Variants in ESYT1 observed in about 807,000 individuals in gnomAD.
The protein encoded by ESYT1 is extended synaptotagmin-1.
Under a neutral mutation model 154.2 loss-of-function variants are expected in ESYT1, and 116 were observed. That is an observed-to-expected ratio of 0.75 (90% CI 0.65 to 0.88). The LOEUF (loss-of-function observed/expected upper bound fraction) is 0.88. Ranked by LOEUF, ESYT1 falls within the 40% of genes least tolerant of loss-of-function variation. The pLI, the probability that ESYT1 is intolerant of heterozygous loss-of-function variation, is 0.00. For missense variants in ESYT1, 1,264 were observed against 1,379.3 expected (o/e 0.92, Z 1.32); for synonymous variants, 500 against 539.9 (o/e 0.93, Z 1.02).
At chr12:56,138,118 A>C in intron 20 of ESYT1, 44 bp downstream of exon 20, 5 of 1,613,768 alleles carry the variant, frequency 3.1e-6, no homozygotes, top group Non-Finnish European at 4.2e-6. Flanking sequence ...GATCCTGCCC[A>C]AGCTTCATTC....
intron 10 of ESYT1, 112 bp from the exon 11 acceptor site, chr12:56,133,305 C>G: frequency 8.8e-7 from 1 of 1,138,304 alleles, no homozygotes; most frequent in Non-Finnish European, 1.3e-6. Context: ...ATAAGGGAGT[C>G]TGAGATCTGC....
At position 56,137,481 on chromosome 12, in the gene ESYT1, C is replaced by A. The variant is rs576110803; in HGVS notation, c.1939-18C>A. ...CTCTCTCCCTTTGCCATCTGGCACC[C>A]CCCCGTCCCTTTTGCAGCATGTGCT... On this transcript the variant is annotated intron_variant, in intron 17 of 30. Transcript: ENST00000394048. The A allele has an allele frequency of 6.2e-7, 1 of 1,609,812 alleles. No individual in the cohort carries two copies. Among genetic ancestry groups the A allele is most frequent in the Non-Finnish European group, 8.5e-7 (1 of 1,176,776 alleles).
At position 56,142,727 on chromosome 12, in the gene ESYT1, T is replaced by C; in HGVS notation, c.2883T>C (p.Val961=). 1 of 1,613,836 alleles carries C rather than the reference T, an allele frequency of 6.2e-7. No homozygotes were observed. ...APELRQRLTH[V]DSPLEAPAGP... is the part of the protein sequence containing the mutation. Reference sequence around the variant, plus strand: ...AGCTCCGGCAGCGCCTAACACATGTTGACAGGTAAAGGGCTGGGACAGGAA... The same window carrying C: ...AGCTCCGGCAGCGCCTAACACATGTCGACAGGTAAAGGGCTGGGACAGGAA... The change falls in exon 26 of 31, where the codon GTT becomes GTC. Residue 961 remains valine (V), a synonymous_variant. Coordinates refer to ENST00000394048, the MANE Select transcript of ESYT1 (RefSeq NM_015292.3). This position sits in a 1 kb window ranked among gnomAD's most constrained non-coding sequence, Gnocchi z 4.1.
rs1227061479 is a variant in ESYT1, at chr12:56,142,884, T to C, written c.2938T>C (p.Trp980Arg). 6.8e-6 allele frequency: 11 copies of C among 1,614,228 alleles called. No homozygotes were observed. Among genetic ancestry groups the C allele is most frequent in the Non-Finnish European group, 9.3e-6 (11 of 1,180,046 alleles). ...TCTGGGCCAGGTGAAACTGACTCTG[T>C]GGTACTACAGTGAAGAACGAAAGCT... is the stretch of plus-strand genomic sequence containing the variant. The part of the protein sequence containing the change: ...GPLGQVKLTL[W>R]YYSEERKLVS... Residue 980 changes from tryptophan (W) to arginine (R), a missense_variant, in exon 27 of 31, where the codon TGG becomes CGG. Physicochemically the swap from Trp to Arg is moderately radical, Grantham distance 101. Transcript: ENST00000394048. The surrounding 1 kb of genome is among the most constrained non-coding windows in gnomAD (Gnocchi z 4.1).
rs752622453 is a variant in ESYT1, at chr12:56,131,260, C to T, written c.658C>T (p.Gln220Ter). ...DLNISYVGDVQIDVEVKKYFC... is the reference protein window; with the variant it reads ...DLNISYVGDV ...AATCCCCAGCTATGTAGGTGATGTG[C>T]AGATTGATGTGGAAGTGAAGAAATA... Residue 220 changes from glutamine to a stop codon, truncating the protein, a stop_gained, in exon 5 of 31, where the codon CAG becomes TAG. Transcript: ENST00000394048. LOFTEE classifies it high-confidence loss of function. 13 of 1,614,034 alleles carry T rather than the reference C, an allele frequency of 8.1e-6. No individual in the cohort carries two copies. The highest frequency in any genetic ancestry group is 1.0e-5 in the Non-Finnish European group (12 of 1,180,032).
In ESYT1 at chr12:56,132,257, G is replaced by A. The variant is rs377311338; in HGVS notation, c.909G>A (p.Val303=). ...TGGACTCCATTGCTGCCTTCCTCGT[G>A]TTGCCCAACCGATTACTGGTGCCCC... ...MIMDSIAAFL[V]LPNRLLVPLV... is the part of the protein sequence containing the mutation. The change falls in exon 8 of 31, where the codon GTG becomes GTA. Residue 303 remains valine (V), a synonymous_variant. Transcript: ENST00000394048. 11 of 1,613,982 alleles carry A rather than the reference G, an allele frequency of 6.8e-6. No homozygotes were observed. The African/African-American group carries it at 1.2e-4, about 18-fold the overall frequency.
In ESYT1 at chr12:56,128,414, C is replaced by G; in HGVS notation, c.95C>G (p.Ala32Gly). ...ACTGACCAGCCCCCCGCTGCTCACG[C>G]AAAGCCAGACCCAGGTTCTGGGGGC... The part of the protein sequence containing the change: ...DPTDQPPAAH[A>G]KPDPGSGGQP... Residue 32 changes from alanine (A) to glycine (G), a missense_variant, in exon 1 of 31, where the codon GCA becomes GGA. Transcript: ENST00000394048. 6.2e-7 allele frequency: 1 copy of G among 1,612,124 alleles called. No individual in the cohort carries two copies. The highest frequency in any genetic ancestry group is 1.3e-5 in the African/African-American group (1 of 75,060).
Position 56,142,744 on chromosome 12 carries a change from G to A in ESYT1, c.2888+12G>A. The A allele has an allele frequency of 6.2e-7, 1 of 1,613,562 alleles. No homozygotes were observed. On this transcript the variant is annotated intron_variant, in intron 26 of 30. Coordinates refer to ENST00000394048, the MANE Select transcript of ESYT1 (RefSeq NM_015292.3). This position sits in a 1 kb window ranked among gnomAD's most constrained non-coding sequence, Gnocchi z 4.1. ...ACACATGTTGACAGGTAAAGGGCTG[G>A]GACAGGAAGGTGGGACGCAGTCAGA...
chr12:56,131,886 T>A (rs1004992978), intron 7 of ESYT1, 82 bp downstream of exon 7: 2 of 1,402,528 alleles, frequency 1.4e-6, no homozygotes, highest in African/African-American at 2.8e-5. Context: ...TCAAAGATGC[T>A]GCTTGTGTCC....
intron 24 of ESYT1, among the ~76,000 whole-genome samples, chr12:56,139,784 TG>T (rs1870616758): frequency 6.6e-6 from 1 of 150,378 alleles, no homozygotes; most frequent in Non-Finnish European, 1.5e-5. Flanking sequence ...GACGGGGTTT[TG>T]CCATGTTGGC....
At chr12:56,134,600 T>A (rs1373913586) in intron 15 of ESYT1, among the ~76,000 whole-genome samples, 172 bp downstream of exon 15, 1 of 150,846 alleles carries the variant, frequency 6.6e-6, no homozygotes, top group Admixed American at 6.6e-5. Context: ...TCCAGAATAA[T>A]ATTTTTTTTT....
chr12:56,132,151 G>C, intron 7 of ESYT1, 58 bp from the exon 8 acceptor site: 1 of 1,613,072 alleles, frequency 6.2e-7, no homozygotes, highest in South Asian at 1.1e-5. Context: ...ACATAGTTGG[G>C]GTTAGGAGAA....
chr12:56,140,287 G>C (rs1015020163), intron 24 of ESYT1, among the ~76,000 whole-genome samples: 1 of 152,224 alleles, frequency 6.6e-6, no homozygotes, highest in Non-Finnish European at 1.5e-5. Context: ...GAGGCAGGCA[G>C]AGCAAGATCA....
chr12:56,136,963 A>G lies in ESYT1; in HGVS notation c.1782+70A>G, dbSNP rs1592247418. ...TGATTCTTTGGTATTAAGAGTAAGG[A>G]AAGGGACCCCCCTAAGATTAAAAGA... On this transcript the variant is annotated intron_variant, in intron 16 of 30. Transcript: ENST00000394048. 9 of 1,507,154 alleles carry G rather than the reference A, an allele frequency of 6.0e-6. No homozygotes were observed. In the East Asian group the frequency reaches 2.0e-4, roughly 34 times the overall value. 93.4% of individuals were successfully genotyped at this position (1,507,154 alleles called of 1,614,324 possible).
At chr12:56,143,428 C>G in intron 29 of ESYT1, 95 bp downstream of exon 29, 1 of 1,490,244 alleles carries the variant, frequency 6.7e-7, no homozygotes, top group Admixed American at 1.7e-5. Flanking sequence ...CCACGTGATC[C>G]TTTAGAGGTG....
chr12:56,144,643 TG>T lies in ESYT1; in HGVS notation c.*783del, dbSNP rs1870849169. The T allele has an allele frequency of 2.0e-6, 2 of 985,352 alleles. No homozygotes were observed. Among genetic ancestry groups the T allele is most frequent in the Admixed American group, 1.2e-4 (2 of 16,270 alleles). 61.0% of individuals were successfully genotyped at this position (985,352 alleles called of 1,614,324 possible). On this transcript the variant is annotated 3_prime_UTR_variant, in exon 31 of 31. Transcript: ENST00000394048. ...TTTTGCACCAACTCTGCCAAGCCAC[TG>T]GATCTTACATTAAACATCATACTCA...
At chr12:56,131,405 G>A (rs1870229637) in intron 5 of ESYT1, 72 bp from the exon 6 acceptor site, 6 of 1,609,476 alleles carry the variant, frequency 3.7e-6, no homozygotes, top group Admixed American at 3.3e-5. Flanking sequence ...AAAGACCAAG[G>A]CTGAGAAAGT....
chr12:56,142,274 T>C lies in ESYT1; in HGVS notation c.2593-11T>C. 1.2e-6 allele frequency: 2 copies of C among 1,613,532 alleles called. No individual in the cohort carries two copies. The highest frequency in any genetic ancestry group is 1.1e-5 in the South Asian group (1 of 91,016). ...CATTCGCCTCTTGATCATGGTCCTG[T>C]TGCCCCACAGGTTCGGGGTGAGGGC... On this transcript the variant is annotated splice_polypyrimidine_tract_variant and intron_variant, in intron 24 of 30. Transcript: ENST00000394048. The surrounding 1 kb of genome is among the most constrained non-coding windows in gnomAD (Gnocchi z 4.1).
At chr12:56,132,892 G>A (rs945660577) in intron 10 of ESYT1, 91 bp downstream of exon 10, 5 of 1,100,294 alleles carry the variant, frequency 4.5e-6, no homozygotes, top group African/African-American at 3.1e-5. Flanking sequence ...AGGCTGAGGC[G>A]GGCGGATCAC....
Sources: allele counts gnomAD v4.1 joint callset (sites outside exome capture counted in the v4.1 genomes callset), GRCh38; gene constraint gnomAD v4.1.1; non-coding constraint Gnocchi (gnomAD v3.1); transcripts MANE v1.5; gene names NCBI Gene and HGNC (gene_info 2026-07-23, HGNC 2026-07-21).